ZNF366: variants seen among roughly 807,000 people sequenced by gnomAD.
The protein encoded by ZNF366 is dendritic cell-specific transcript protein.
In ZNF366, 20 loss-of-function variants were observed where a neutral mutation model predicts 47.2. The observed-to-expected ratio is 0.42, with a 90% CI of 0.30 to 0.62. The LOEUF (loss-of-function observed/expected upper bound fraction) is 0.62, where lower values mean the gene tolerates loss of function less well. ZNF366 is among the 20% of genes least tolerant of loss of function. ZNF366 has a pLI of 0.16. For missense variants in ZNF366, 987 were observed against 976.3 expected (o/e 1.01, Z -0.15); for synonymous variants, 421 against 395.1 (o/e 1.07, Z -0.78).
At chr5:72,489,122 T>TC (rs1743953996) in intron 1 of ZNF366, among the ~76,000 whole-genome samples, 1 of 151,954 alleles carries the variant, frequency 6.6e-6, no homozygotes, top group African/African-American at 2.4e-5. Flanking sequence ...ATGCCTGTAA[T>TC]CCCAGCCCTT....
At chr5:72,488,105 G>A (rs760277717) in intron 1 of ZNF366, among the ~76,000 whole-genome samples, 6 of 152,208 alleles carry the variant, frequency 3.9e-5, no homozygotes, top group South Asian at 2.1e-4. Context: ...CTACTGGGGA[G>A]GCTGAGGGGA....
At chr5:72,475,821 G>A (rs1215259299) in intron 1 of ZNF366, among the ~76,000 whole-genome samples, 3 of 152,134 alleles carry the variant, frequency 2.0e-5, no homozygotes, top group South Asian at 2.1e-4. Context: ...GGGCTGATCT[G>A]CCCAATCAGA....
Position 72,443,830 on chromosome 5 carries a change from T to G in ZNF366, c.2161A>C (p.Lys721Gln), listed in dbSNP as rs540830435. ...GPSFSDYLYF[K>Q]HRDESLKELL... Reference sequence around the variant, plus strand: ...TCTTTCAAACTCTCATCTCTGTGCTTGAAGTATAAGTAATCAGAAAAAGAG... The same window carrying G: ...TCTTTCAAACTCTCATCTCTGTGCTGGAAGTATAAGTAATCAGAAAAAGAG... The change falls in exon 5 of 5, where the codon AAG becomes CAG. Residue 721 changes from lysine (K) to glutamine (Q), a missense_variant. Around this residue, in one of 3 missense-constraint regions of ZNF366, gnomAD observed 285 missense variants for 234.8 expected, o/e 1.21. Transcript: ENST00000318442. 1 of 1,614,182 alleles carries G rather than the reference T, an allele frequency of 6.2e-7. No individual in the cohort carries two copies. Among genetic ancestry groups the G allele is most frequent in the African/African-American group, 1.3e-5 (1 of 75,042 alleles).
intron 3 of ZNF366, among the ~76,000 whole-genome samples, chr5:72,450,061 CT>C (rs1392360900): frequency 3.3e-5 from 5 of 152,158 alleles, no homozygotes; most frequent in Non-Finnish European, 5.9e-5. Flanking sequence ...TCTGTGGTTG[CT>C]GAAGCCTTAG....
intron 3 of ZNF366, among the ~76,000 whole-genome samples, chr5:72,450,160 C>T (rs115031700): frequency 0.012 from 1,838 of 152,274 alleles, 44 homozygotes; most frequent in African/African-American, 0.043. Flanking sequence ...TTGTTGTACA[C>T]AAAGATAAAG....
chr5:72,469,477 A>C (rs1271248099), intron 1 of ZNF366, among the ~76,000 whole-genome samples: 1 of 151,930 alleles, frequency 6.6e-6, no homozygotes, highest in African/African-American at 2.4e-5. Flanking sequence ...CCCAATAATC[A>C]ATTCATATTT....
chr5:72,450,974 C>T (rs13189566), intron 3 of ZNF366, among the ~76,000 whole-genome samples: 23,072 of 152,144 alleles, frequency 0.15, 1,973 homozygotes, highest in East Asian at 0.38. Flanking sequence ...GGGAGTTAGA[C>T]GAGAGGGAGG....
intron 1 of ZNF366, among the ~76,000 whole-genome samples, chr5:72,484,689 C>G (rs539123508): frequency 6.6e-6 from 1 of 151,946 alleles, no homozygotes; most frequent in Middle Eastern, 3.2e-3. Flanking sequence ...TCTTCAGGAG[C>G]GATGACAAGA....
chr5:72,442,523 A>T lies in ZNF366; in HGVS notation c.*1233T>A, dbSNP rs1033224060. ...TCTTCTTTACTAATGATTTGCTGTC[A>T]ACTATTCTAGTACCCCAAATAAGTC... On this transcript the variant is annotated 3_prime_UTR_variant, in exon 5 of 5. Transcript: ENST00000318442. 1 of 152,148 alleles carries T rather than the reference A, an allele frequency of 6.6e-6. No individual in the cohort carries two copies. Among genetic ancestry groups the T allele is most frequent in the Non-Finnish European group, 1.5e-5 (1 of 68,046 alleles). 9.4% of individuals were successfully genotyped at this position (152,148 alleles called of 1,614,324 possible).
Position 72,500,140 on chromosome 5 carries a change from T to A in ZNF366, c.-15+7111A>T, listed in dbSNP as rs1011286610. Among the ~76,000 whole-genome samples the A allele has an allele frequency of 1.1e-4, 16 of 152,314 alleles. 1 individual carries two copies. Among genetic ancestry groups the A allele is most frequent in the Admixed American group, 3.3e-4 (5 of 15,298 alleles). ...GAGAAGCGGGTCCTCCCTTTCTCCC[T>A]GAGGAAGACACAGGGCAGACAGCAA... On this transcript the variant is annotated intron_variant, in intron 1 of 4. Coordinates refer to ENST00000318442, the MANE Select transcript of ZNF366 (RefSeq NM_152625.3).
At chr5:72,473,580 A>G (rs139722812) in intron 1 of ZNF366, among the ~76,000 whole-genome samples, 2 of 152,340 alleles carry the variant, frequency 1.3e-5, no homozygotes, top group African/African-American at 4.8e-5. Flanking sequence ...GCCTTTGTTT[A>G]GACTGATTGG....
intron 3 of ZNF366, among the ~76,000 whole-genome samples, chr5:72,455,603 G>C (rs992029067): frequency 6.6e-6 from 1 of 152,206 alleles, no homozygotes; most frequent in East Asian, 1.9e-4. Flanking sequence ...ACACTCTTGT[G>C]GGGTGGGGAC....
intron 1 of ZNF366, among the ~76,000 whole-genome samples, chr5:72,494,931 TA>T (rs1744081630): frequency 3.3e-5 from 5 of 152,200 alleles, no homozygotes; most frequent in Non-Finnish European, 5.9e-5. Flanking sequence ...AAACTCACTG[TA>T]ACTTAACTGG....
At chr5:72,466,831 G>A (rs1743439247) in intron 1 of ZNF366, among the ~76,000 whole-genome samples, 1 of 152,212 alleles carries the variant, frequency 6.6e-6, no homozygotes, top group Admixed American at 6.5e-5. Context: ...GTGAGTTGTT[G>A]CGTACCCTCC....
At chr5:72,495,985 T>G (rs1175814818) in intron 1 of ZNF366, among the ~76,000 whole-genome samples, 1 of 152,174 alleles carries the variant, frequency 6.6e-6, no homozygotes, top group South Asian at 2.1e-4. Flanking sequence ...ATACACTTTT[T>G]TTTTTTTACA....
At chr5:72,451,404 A>T (rs1477629303) in intron 3 of ZNF366, among the ~76,000 whole-genome samples, 4 of 152,238 alleles carry the variant, frequency 2.6e-5, no homozygotes, top group African/African-American at 9.6e-5. Flanking sequence ...TTAGGCTTTG[A>T]GATGTCAGAG....
chr5:72,487,358 C>G (rs1329694291), intron 1 of ZNF366, among the ~76,000 whole-genome samples: 1 of 152,218 alleles, frequency 6.6e-6, no homozygotes, highest in Non-Finnish European at 1.5e-5. Context: ...CTAAAACCTG[C>G]TTTGCTCTAA....
At chr5:72,472,466 C>T in intron 1 of ZNF366, 6 of 779,068 alleles carry the variant, frequency 7.7e-6, no homozygotes, top group Non-Finnish European at 9.3e-6. Context: ...CTTTCCCAAC[C>T]AGTGCCACAG....
chr5:72,442,324 T>C lies in ZNF366; in HGVS notation c.*1432A>G, dbSNP rs974004361. On this transcript the variant is annotated 3_prime_UTR_variant, in exon 5 of 5. Transcript: ENST00000318442. ...TTTAGTCCCCTCAATCTTCTCAATC[T>C]TGGCTGCACATAAGAATTGCCAGGA... 6 of 152,214 alleles carry C rather than the reference T, an allele frequency of 3.9e-5. No individual in the cohort carries two copies. Among genetic ancestry groups the C allele is most frequent in the Non-Finnish European group, 8.8e-5 (6 of 68,036 alleles). 9.4% of individuals were successfully genotyped at this position (152,214 alleles called of 1,614,324 possible).
Sources: gnomAD v4.1 joint callset for allele counts (sites outside exome capture counted in the v4.1 genomes callset) on GRCh38, gnomAD v4.1.1 for gene constraint, gnomAD v4.1.1 regional missense constraint, MANE v1.5 for transcripts, NCBI Gene and HGNC (gene_info 2026-07-23, HGNC 2026-07-21) for gene names.